ZCWPW2: variants seen among roughly 807,000 people sequenced by gnomAD.
ZCWPW2 encodes the protein zinc finger CW-type and PWWP domain containing 2, also known as zinc finger CW-type PWWP domain protein 2.
Under a neutral mutation model 46.6 loss-of-function variants are expected in ZCWPW2, and 45 were observed. The ratio of observed to expected loss-of-function variants is 0.96; its 90% CI spans 0.76 to 1.24. The LOEUF (loss-of-function observed/expected upper bound fraction) is 1.24. ZCWPW2 is among the 50% of genes most tolerant of loss of function. The probability of loss-of-function intolerance (pLI) is 0.00; values close to 1 mark genes in which losing one functional copy is unlikely to be tolerated. For missense variants in ZCWPW2, 429 were observed against 403.9 expected (o/e 1.06, Z -0.53); for synonymous variants, 152 against 137.1 (o/e 1.11, Z -0.76).
intron 4 of ZCWPW2, among the ~76,000 whole-genome samples, chr3:28,450,204 T>C (rs1326242534): frequency 6.6e-6 from 1 of 152,198 alleles, no homozygotes; most frequent in Non-Finnish European, 1.5e-5. Context: ...CCTACTAGTG[T>C]AGTAGTCTAA....
chr3:28,378,617 A>C (rs1705575889), intron 1 of ZCWPW2, among the ~76,000 whole-genome samples: 1 of 152,164 alleles, frequency 6.6e-6, no homozygotes, highest in Non-Finnish European at 1.5e-5. Context: ...AAACGAAGTG[A>C]GAATTTAAGC....
intron 4 of ZCWPW2, chr3:28,448,021 C>T: frequency 2.6e-6 from 1 of 380,574 alleles, no homozygotes; most frequent in Non-Finnish European, 5.0e-6. Flanking sequence ...TATTAAGGAG[C>T]AGAAAATTGT....
chr3:28,463,536 G>A (rs1698719507), intron 4 of ZCWPW2, among the ~76,000 whole-genome samples: 1 of 152,130 alleles, frequency 6.6e-6, no homozygotes, highest in Non-Finnish European at 1.5e-5. Flanking sequence ...AGATTTTAGT[G>A]AAAGTCTTTA....
chr3:28,447,872 C>T, intron 4 of ZCWPW2: 1 of 1,024,168 alleles, frequency 9.8e-7, no homozygotes, highest in Admixed American at 1.7e-5. Flanking sequence ...GGTGTGTGCC[C>T]AGGCAGACTT....
At chr3:28,358,146 G>T (rs1704810637) in intron 1 of ZCWPW2, among the ~76,000 whole-genome samples, 1 of 151,832 alleles carries the variant, frequency 6.6e-6, no homozygotes, top group East Asian at 1.9e-4. Flanking sequence ...CTGAACTATT[G>T]CAATAGTTTT....
At chr3:28,438,748 C>G (rs1217170002) in intron 4 of ZCWPW2, among the ~76,000 whole-genome samples, 5 of 151,926 alleles carry the variant, frequency 3.3e-5, no homozygotes, top group African/African-American at 1.2e-4. Flanking sequence ...AAGCCACTGT[C>G]TTAAAGATGC....
chr3:28,519,604 AT>A (rs1700665067), intron 8 of ZCWPW2, among the ~76,000 whole-genome samples: 2 of 152,168 alleles, frequency 1.3e-5, no homozygotes, highest in African/African-American at 4.8e-5. Context: ...TTCATTTTCC[AT>A]GACCTTTCAG....
chr3:28,465,204 A>G (rs1698774407), intron 4 of ZCWPW2, among the ~76,000 whole-genome samples: 1 of 152,172 alleles, frequency 6.6e-6, no homozygotes, highest in Admixed American at 6.5e-5. Context: ...TTTAAATGCT[A>G]TTGTATTTTA....
At chr3:28,429,235 C>T (rs1477129188) in intron 3 of ZCWPW2, among the ~76,000 whole-genome samples, 1 of 152,118 alleles carries the variant, frequency 6.6e-6, no homozygotes, top group African/African-American at 2.4e-5. Context: ...TGAGGAACTT[C>T]TTGGGACCTG....
rs1434742647 is a variant in ZCWPW2, at chr3:28,524,895, TAAAA to T, written c.*210_*213del. The T allele has an allele frequency of 6.8e-6, 2 of 296,128 alleles. No individual in the cohort carries two copies. Among genetic ancestry groups the T allele is most frequent in the East Asian group, 1.3e-4 (2 of 15,206 alleles). The allele number at this position is 296,128 out of a possible 1,614,324, so 18.3% of individuals were successfully genotyped here. On this transcript the variant is annotated 3_prime_UTR_variant, in exon 10 of 10. Transcript: ENST00000383768. ...TAAGTTAGTGTTAAAAATTTAGAAT[TAAAA>T]AACCCTGATATTTGTATTTATATAT...
chr3:28,365,040 G>T lies in ZCWPW2; in HGVS notation c.-134+15837G>T, dbSNP rs1045309756. Among the ~76,000 whole-genome samples, 67 of 151,854 alleles carry T rather than the reference G, an allele frequency of 4.4e-4. 1 individual carries two copies. The highest frequency in any genetic ancestry group is 1.5e-3 in the African/African-American group (61 of 41,318). ...TTGTTTGAGTTCATTGTAGATTCTG[G>T]ATATTAGCCCTTTGTCAGATGAGTA... On this transcript the variant is annotated intron_variant, in intron 1 of 9. Transcript: ENST00000383768.
chr3:28,363,853 C>T (rs978112680), intron 1 of ZCWPW2, among the ~76,000 whole-genome samples: 21 of 152,190 alleles, frequency 1.4e-4, no homozygotes, highest in Non-Finnish European at 7.3e-5. Context: ...TGCCTCCTGA[C>T]TGATCCTACT....
chr3:28,372,823 G>A (rs1402531149), intron 1 of ZCWPW2, among the ~76,000 whole-genome samples: 1 of 152,000 alleles, frequency 6.6e-6, no homozygotes, highest in African/African-American at 2.4e-5. Flanking sequence ...CCCCTCTGTA[G>A]CTCCATGTGT....
intron 1 of ZCWPW2, among the ~76,000 whole-genome samples, chr3:28,376,830 C>T (rs1705514839): frequency 6.6e-6 from 1 of 151,836 alleles, no homozygotes; most frequent in Non-Finnish European, 1.5e-5. Flanking sequence ...TCTTTTATGT[C>T]TTAAGTGTAA....
At chr3:28,436,359 A>G (rs1441968641) in intron 4 of ZCWPW2, among the ~76,000 whole-genome samples, 2 of 132,580 alleles carry the variant, frequency 1.5e-5, no homozygotes, top group African/African-American at 5.8e-5. Flanking sequence ...CCAGCCTTGA[A>G]TTACTGGGCT....
intron 1 of ZCWPW2, among the ~76,000 whole-genome samples, chr3:28,372,131 T>C (rs192482432): frequency 1.3e-5 from 2 of 152,198 alleles, no homozygotes; most frequent in African/African-American, 2.4e-5. Flanking sequence ...AATGGTTCCA[T>C]ACTTTAATTA....
At chr3:28,515,908 T>C (rs986498803) in intron 8 of ZCWPW2, among the ~76,000 whole-genome samples, 4 of 152,130 alleles carry the variant, frequency 2.6e-5, no homozygotes, top group African/African-American at 4.8e-5. Context: ...TTTCCTTGAA[T>C]TGAATTTTCT....
intron 1 of ZCWPW2, among the ~76,000 whole-genome samples, chr3:28,373,634 CA>C (rs1253438139): frequency 6.6e-6 from 1 of 151,972 alleles, no homozygotes; most frequent in Non-Finnish European, 1.5e-5. Flanking sequence ...CACCACTATA[CA>C]TGGCTAATTT....
At chr3:28,501,115 A>G (rs894989011) in intron 6 of ZCWPW2, among the ~76,000 whole-genome samples, 1 of 152,152 alleles carries the variant, frequency 6.6e-6, no homozygotes, top group African/African-American at 2.4e-5. Flanking sequence ...ATTGACTTTT[A>G]TTAGCGATTC....
Sources: gnomAD v4.1 joint callset for allele counts (sites outside exome capture counted in the v4.1 genomes callset) on GRCh38, gnomAD v4.1.1 for gene constraint, MANE v1.5 for transcripts, NCBI Gene and HGNC (gene_info 2026-07-23, HGNC 2026-07-21) for gene names.